The following CCDC57 variants were observed in gnomAD, a reference collection of about 807,000 sequenced individuals.
The protein encoded by CCDC57 is coiled-coil domain-containing protein 57.
A neutral mutation model predicts 118.9 loss-of-function variants in CCDC57; 118 were observed. That is an observed-to-expected ratio of 0.99 (90% CI 0.86 to 1.16). The LOEUF is 1.16. Among genes scored for constraint, CCDC57 ranks in the 50% most tolerant of loss-of-function variants. The pLI, the probability that CCDC57 is intolerant of heterozygous loss-of-function variation, is 0.00. For missense variants in CCDC57, 1,300 were observed against 1,320.7 expected, an observed-to-expected ratio of 0.98 and a Z score of 0.24; for synonymous variants, 527 against 532.9, an observed-to-expected ratio of 0.99 and a Z score of 0.15.
chr17:82,195,448 G>A lies in CCDC57; in HGVS notation c.517-84C>T, dbSNP rs1461223248. The A allele has an allele frequency of 3.9e-6, 4 of 1,025,922 alleles. No homozygotes were observed. In the African/African-American group the frequency reaches 4.8e-5, roughly 12 times the overall value. The allele number at this position is 1,025,922 out of a possible 1,614,324, so 63.6% of individuals were successfully genotyped here. A position where few individuals can be genotyped will look rare whatever the true frequency, so the allele number is the denominator to read the frequency against. ...CACGTCCTGGGAGGTGGGATCCAGA[G>A]GTGAGCAGGACACAGTGTTTAACAG... On this transcript the variant is annotated intron_variant, in intron 4 of 19. Transcript: ENST00000665763.
chr17:82,151,700 C>A (rs778888967), exon 16 of CCDC57: 11 of 1,550,402 alleles, frequency 7.1e-6, no homozygotes, highest in Non-Finnish European at 9.6e-6. Flanking sequence ...CTGGGGGGCA[C>A]GTGCCACTGA....
At chr17:82,163,389 A>G (rs777943847) in intron 13 of CCDC57, 32 bp from the exon 13 acceptor site, 1 of 1,608,578 alleles carries the variant, frequency 6.2e-7, no homozygotes, top group Non-Finnish European at 8.5e-7. Context: ...GTCAGCTCAT[A>G]CCTGAGAACA....
intron 16 of CCDC57, among the ~76,000 whole-genome samples, chr17:82,147,746 A>G (rs2041004220): frequency 1.2e-5 from 1 of 83,164 alleles, no homozygotes; most frequent in African/African-American, 4.7e-5. Flanking sequence ...GGTGGATGGT[A>G]GATGGATGGA....
chr17:82,167,575 T>A (rs571243953), intron 13 of CCDC57, among the ~76,000 whole-genome samples: 1 of 152,158 alleles, frequency 6.6e-6, no homozygotes, highest in East Asian at 1.9e-4. Context: ...GGTCTTGAAC[T>A]CCTGGCCTCA....
At chr17:82,103,159 C>T (rs2034583668) in intron 19 of CCDC57, among the ~76,000 whole-genome samples, 1 of 152,246 alleles carries the variant, frequency 6.6e-6, no homozygotes, top group East Asian at 1.9e-4. Flanking sequence ...CTGGGCTGCG[C>T]AGTGCCCATG....
At chr17:82,153,013 A>G (rs1372348843) in intron 15 of CCDC57, among the ~76,000 whole-genome samples, 1 of 152,202 alleles carries the variant, frequency 6.6e-6, no homozygotes, top group African/African-American at 2.4e-5. Context: ...GCCCCCATGA[A>G]GGCTCGCCAC....
rs570969885 is a variant in CCDC57, at chr17:82,206,196, G to C, written c.-9+1651C>G. Among the ~76,000 whole-genome samples the C allele has an allele frequency of 2.0e-5, 3 of 152,358 alleles. No individual in the cohort carries two copies. The South Asian group carries it at 6.2e-4, about 32-fold the overall frequency. ...ACCAGCCAGCTCCCAGCAGGGGCTG[G>C]AACAGCATGGGTGGGCATCCCATCA... is the stretch of plus-strand genomic sequence containing the variant. On this transcript the variant is annotated intron_variant, in intron 2 of 19. Transcript: ENST00000665763.
chr17:82,107,420 A>G (rs1367738356), intron 19 of CCDC57: 1 of 468,482 alleles, frequency 2.1e-6, no homozygotes. Flanking sequence ...GTGGCTTGTC[A>G]CCCTCCATGG....
chr17:82,186,437 C>T (rs774396144), intron 8 of CCDC57, among the ~76,000 whole-genome samples: 51 of 152,168 alleles, frequency 3.4e-4, no homozygotes, highest in Non-Finnish European at 5.3e-4. Flanking sequence ...CCTCTCACCC[C>T]GTATACCGAC....
chr17:82,152,140 C>G (rs1434246665), intron 15 of CCDC57: 2 of 263,036 alleles, frequency 7.6e-6, no homozygotes, highest in Non-Finnish European at 1.5e-5. Context: ...CACAGCAGCT[C>G]CCCAGGGAGA....
chr17:82,139,658 A>G (rs1297200882), intron 16 of CCDC57, among the ~76,000 whole-genome samples: 1 of 119,720 alleles, frequency 8.4e-6, no homozygotes, highest in Non-Finnish European at 1.8e-5. Flanking sequence ...GCCCAGCCCC[A>G]TCCACGATTT....
chr17:82,126,330 T>A lies in CCDC57; in HGVS notation c.2899+1362A>T, dbSNP rs1374780390. On this transcript the variant is annotated intron_variant, in intron 19 of 19. Coordinates refer to ENST00000665763, the Ensembl canonical transcript of CCDC57. ...AAGATAAAAAACAAGGACATTAAAT[T>A]ACATAAAAATAAAAAATATGAACAT... 8 of 840,654 alleles carry A rather than the reference T, an allele frequency of 9.5e-6. No individual in the cohort carries two copies. In the East Asian group the frequency reaches 8.5e-4, roughly 89 times the overall value. The allele number at this position is 840,654 out of a possible 1,614,324, so 52.1% of individuals were successfully genotyped here. A position where few individuals can be genotyped will look rare whatever the true frequency, so the allele number is the denominator to read the frequency against.
exon 18 of CCDC57, chr17:82,128,560 T>G: frequency 6.4e-7 from 1 of 1,573,282 alleles, no homozygotes; most frequent in Non-Finnish European, 8.6e-7. Flanking sequence ...CTTTCCCAAG[T>G]GTCTGGAAGG....
chr17:82,208,130 G>T (rs1249747167), intron 1 of CCDC57: 2 of 152,096 alleles, frequency 1.3e-5, no homozygotes, highest in Non-Finnish European at 1.5e-5. Context: ...GGCTGGTCTG[G>T]AACTCCCAAA....
intron 16 of CCDC57, among the ~76,000 whole-genome samples, chr17:82,141,507 C>T (rs2040009739): frequency 1.3e-5 from 2 of 152,108 alleles, no homozygotes; most frequent in South Asian, 4.1e-4. Flanking sequence ...TTTAAAGAGG[C>T]TTTTAAAAGT....
intron 16 of CCDC57, among the ~76,000 whole-genome samples, chr17:82,146,419 G>A (rs1446310899): frequency 6.6e-6 from 1 of 151,840 alleles, no homozygotes; most frequent in Non-Finnish European, 1.5e-5. Context: ...GCCCAGGCTG[G>A]AGTGCAGTGA....
chr17:82,120,724 G>A (rs968367116), intron 19 of CCDC57, among the ~76,000 whole-genome samples: 11 of 151,998 alleles, frequency 7.2e-5, no homozygotes, highest in Admixed American at 7.2e-4. Flanking sequence ...TGAATCAAAA[G>A]CCCCATGGAC....
chr17:82,126,055 C>T (rs570489372), intron 19 of CCDC57, among the ~76,000 whole-genome samples: 3 of 152,106 alleles, frequency 2.0e-5, no homozygotes, highest in East Asian at 1.9e-4. Flanking sequence ...CCGAGGTGGG[C>T]GGATCAACTG....
chr17:82,212,304 G>A lies in CCDC57; in HGVS notation c.-211+481C>T, dbSNP rs2050219737. ...TCACCATGTTGGCCAGGCTGGTCTC[G>A]AACTCCGGGCCTCAAGCAATCTGCC... On this transcript the variant is annotated intron_variant, in intron 1 of 19. Transcript: ENST00000665763. The surrounding 1 kb of genome is among the most constrained non-coding windows in gnomAD (Gnocchi z 4.1). 6.6e-6 allele frequency among the ~76,000 whole-genome samples: 1 copy of A among 151,504 alleles called. No homozygotes were observed. Among genetic ancestry groups the A allele is most frequent in the African/African-American group, 2.4e-5 (1 of 41,240 alleles).
Sources: allele counts gnomAD v4.1 joint callset (sites outside exome capture counted in the v4.1 genomes callset), GRCh38; gene constraint gnomAD v4.1.1; non-coding constraint Gnocchi (gnomAD v3.1); transcripts MANE v1.5; gene names NCBI Gene and HGNC (gene_info 2026-07-23, HGNC 2026-07-21).